ACVR1C: variants seen among roughly 807,000 people sequenced by gnomAD.
ACVR1C encodes the protein activin A receptor type 1C.
A neutral mutation model predicts 57.9 loss-of-function variants in ACVR1C; 23 were observed. That is an observed-to-expected ratio of 0.40 (90% CI 0.29 to 0.56). ACVR1C has a LOEUF of 0.56. Among genes scored for constraint, ACVR1C ranks in the 20% least tolerant of loss-of-function variants. ACVR1C has a pLI of 0.50. For synonymous variants in ACVR1C, 214 were observed against 215.3 expected, an observed-to-expected ratio of 0.99 and a Z score of 0.05; for missense variants, 480 against 607.9, an observed-to-expected ratio of 0.79 and a Z score of 2.21.
chr2:157,574,350 C>G (rs1640444264), intron 2 of ACVR1C, among the ~76,000 whole-genome samples: 1 of 152,100 alleles, frequency 6.6e-6, no homozygotes, highest in African/African-American at 2.4e-5. Flanking sequence ...TCCCTTGGAC[C>G]CATTTTATGA....
chr2:157,554,221 A>AAGAAAGAAAGAGAGAG (rs1219042043), intron 3 of ACVR1C, among the ~76,000 whole-genome samples: 4 of 112,778 alleles, frequency 3.5e-5, no homozygotes, highest in African/African-American at 1.7e-4. Context: ...GAAAGAAAGA[A>AAGAAAGAAAGAGAGAG]AGAAAGAAAG....
intron 2 of ACVR1C, among the ~76,000 whole-genome samples, chr2:157,565,097 A>G (rs1688331537): frequency 6.6e-6 from 1 of 152,188 alleles, no homozygotes; most frequent in African/African-American, 2.4e-5. Context: ...CCCGTTCTGT[A>G]CATGTATCCC....
chr2:157,627,253 C>T (rs938645499), intron 1 of ACVR1C, among the ~76,000 whole-genome samples: 1 of 152,044 alleles, frequency 6.6e-6, no homozygotes, highest in Non-Finnish European at 1.5e-5. Context: ...CTTTCAGTAT[C>T]CCAAGTTAGC....
At chr2:157,575,414 T>C (rs945543575) in intron 2 of ACVR1C, among the ~76,000 whole-genome samples, 3 of 152,216 alleles carry the variant, frequency 2.0e-5, no homozygotes, top group Non-Finnish European at 4.4e-5. Context: ...ATTACAGGCT[T>C]CAGCCACTGC....
intron 6 of ACVR1C, among the ~76,000 whole-genome samples, 184 bp from the exon 7 acceptor site, chr2:157,541,398 C>T (rs1332031181): frequency 6.6e-6 from 1 of 152,176 alleles, no homozygotes; most frequent in Admixed American, 6.5e-5. Context: ...TCCACCCATA[C>T]TTTCTCTCAG....
chr2:157,541,313 C>A, intron 6 of ACVR1C, 99 bp from the exon 7 acceptor site: 6 of 1,256,750 alleles, frequency 4.8e-6, no homozygotes, highest in Non-Finnish European at 6.5e-6. Context: ...TTTTAAAAGG[C>A]AGATTTGAAG....
In ACVR1C at chr2:157,538,301, T is replaced by C. The variant is rs6437105; in HGVS notation, c.1356+272A>G. On this transcript the variant is annotated intron_variant, in intron 8 of 8. Transcript: ENST00000243349. ...GTTACTGCAATGAGAACAGGTGCCA[T>C]GGAGAGTTGCCTAACCTGCAGAGCA... Among the ~76,000 whole-genome samples, 136,116 of 152,206 alleles carry C rather than the reference T, an allele frequency of 0.89. 60,958 individuals carry two copies. Among genetic ancestry groups the C allele is most frequent in the East Asian group, 0.93 (4,813 of 5,176 alleles).
intron 2 of ACVR1C, among the ~76,000 whole-genome samples, chr2:157,557,677 C>T (rs1184586159): frequency 6.6e-6 from 1 of 152,084 alleles, no homozygotes; most frequent in African/African-American, 2.4e-5. Flanking sequence ...AAAAGTTCTA[C>T]TAGTGGTATT....
At chr2:157,544,692 AT>A in intron 4 of ACVR1C, 80 bp from the exon 5 acceptor site, 2 of 1,262,370 alleles carry the variant, frequency 1.6e-6, no homozygotes, top group South Asian at 3.0e-5. Context: ...TCAGTGTTTA[AT>A]CTGTATTGTT....
At chr2:157,568,118 A>C (rs1688442770) in intron 2 of ACVR1C, among the ~76,000 whole-genome samples, 1 of 144,922 alleles carries the variant, frequency 6.9e-6, no homozygotes, top group African/African-American at 2.5e-5. Context: ...ACTAAGCTTC[A>C]TAAGTGAAGG....
Position 157,628,858 on chromosome 2 carries a change from T to G in ACVR1C, c.-214A>C, listed in dbSNP as rs1364552975. ...TGCGGCTGGCGGTGCGCGGCGCTCC[T>G]GCCACTGGCCCCGCAGCCGGGCGGG... On this transcript the variant is annotated 5_prime_UTR_variant, in exon 1 of 9. Transcript: ENST00000243349. 3 of 328,362 alleles carry G rather than the reference T, an allele frequency of 9.1e-6. No homozygotes were observed. The highest frequency in any genetic ancestry group is 2.2e-5 in the African/African-American group (1 of 45,974). 20.3% of individuals were successfully genotyped at this position (328,362 alleles called of 1,614,324 possible).
At chr2:157,597,442 CGAAGGGACACCCT>C in intron 1 of ACVR1C, 1 of 985,460 alleles carries the variant, frequency 1.0e-6, no homozygotes, top group Non-Finnish European at 1.2e-6. Context: ...GATGAATTTG[CGAAGGGACACCCT>C]GCGGTCGCCG....
intron 1 of ACVR1C, among the ~76,000 whole-genome samples, chr2:157,592,719 C>G (rs559325517): frequency 1.3e-5 from 2 of 152,056 alleles, no homozygotes; most frequent in Admixed American, 6.6e-5. Flanking sequence ...CAACATAGAA[C>G]CTTTGTGCTG....
chr2:157,591,780 C>A (rs1012532978), intron 1 of ACVR1C, among the ~76,000 whole-genome samples: 3 of 151,962 alleles, frequency 2.0e-5, no homozygotes, highest in African/African-American at 7.2e-5. Flanking sequence ...GTTTCACATG[C>A]ATTCGTCATC....
At chr2:157,536,974 C>T (rs1687503926) in intron 8 of ACVR1C, among the ~76,000 whole-genome samples, 2 of 152,114 alleles carry the variant, frequency 1.3e-5, no homozygotes, top group South Asian at 4.1e-4. Context: ...AAGCAAAATG[C>T]TGTATCATCA....
chr2:157,601,101 T>A (rs563719312), intron 1 of ACVR1C, among the ~76,000 whole-genome samples: 9 of 152,176 alleles, frequency 5.9e-5, no homozygotes, highest in African/African-American at 2.2e-4. Context: ...GTGGATCACT[T>A]GAGGTCAGGA....
chr2:157,541,053 G>C (rs1349200548), intron 7 of ACVR1C, 37 bp downstream of exon 7: 3 of 1,602,068 alleles, frequency 1.9e-6, no homozygotes, highest in Admixed American at 3.5e-5. Context: ...AGAGTATCAA[G>C]GAAAGGCAAA....
chr2:157,546,895 C>T (rs1573908787), intron 4 of ACVR1C, among the ~76,000 whole-genome samples: 1 of 151,724 alleles, frequency 6.6e-6, no homozygotes, highest in East Asian at 1.9e-4. Context: ...TAGACATGTG[C>T]CATGCTGGTG....
chr2:157,551,440 T>C (rs548945670), intron 3 of ACVR1C, among the ~76,000 whole-genome samples: 2 of 152,158 alleles, frequency 1.3e-5, no homozygotes, highest in Non-Finnish European at 2.9e-5. Context: ...TCTAATAACA[T>C]GAAAAAATAC....
Sources: allele counts gnomAD v4.1 joint callset (sites outside exome capture counted in the v4.1 genomes callset), GRCh38; gene constraint gnomAD v4.1.1; transcripts MANE v1.5; gene names NCBI Gene and HGNC (gene_info 2026-07-23, HGNC 2026-07-21).